RYR2: variants seen among roughly 807,000 people sequenced by gnomAD.
RYR2 encodes the protein ryanodine receptor 2, also known as cardiac muscle ryanodine receptor-calcium release channel.
RYR2 carries 227 observed loss-of-function variants against 601.1 expected under a neutral mutation model. The ratio of observed to expected loss-of-function variants is 0.38; its 90% confidence interval spans 0.34 to 0.42. The LOEUF (loss-of-function observed/expected upper bound fraction) is 0.42, where lower values mean the gene tolerates loss of function less well. Among genes scored for constraint, RYR2 ranks in the 10% least tolerant of loss-of-function variants. The pLI, the probability that RYR2 is intolerant of heterozygous loss-of-function variation, is 1.00. For missense variants in RYR2, 4,646 were observed against 6,156.5 expected, an observed-to-expected ratio of 0.75 and a Z score of 8.21; for synonymous variants, 2,223 against 2,175.1, an observed-to-expected ratio of 1.02 and a Z score of -0.61.
At position 237,806,387 on chromosome 1, in the gene RYR2, A is replaced by AT. The variant is rs781066796; in HGVS notation, c.14298+111dup. 2.3e-3 allele frequency: 2,714 copies of AT among 1,185,044 alleles called. 6 individuals carry two copies. The highest frequency in any genetic ancestry group is 2.8e-3 in the Non-Finnish European group (2,336 of 843,766). The allele number at this position is 1,185,044 out of a possible 1,614,324, so 73.4% of individuals were successfully genotyped here. A position where few individuals can be genotyped will look rare whatever the true frequency, so the allele number is the denominator to read the frequency against. On this transcript the variant is annotated intron_variant, in intron 99 of 104. Transcript: ENST00000366574. ...CAAATGACAATGTACAGTTTTAAAG[A>AT]TTTTTTTGAAGGGAGGGTCTGCACC... is the stretch of plus-strand genomic sequence containing the variant.
intron 56 of RYR2, among the ~76,000 whole-genome samples, chr1:237,665,858 T>C (rs1490619141): frequency 6.6e-6 from 1 of 152,182 alleles, no homozygotes; most frequent in Non-Finnish European, 1.5e-5. Flanking sequence ...AGATATAGTT[T>C]TAGATTTATA....
chr1:237,676,814 A>G (rs1468107734), intron 60 of RYR2, among the ~76,000 whole-genome samples: 1 of 152,094 alleles, frequency 6.6e-6, no homozygotes, highest in Non-Finnish European at 1.5e-5. Context: ...CATCTTTTTC[A>G]CATTTTGCAC....
chr1:237,798,099 C>T lies in RYR2; in HGVS notation c.14019C>T (p.Asp4673=), dbSNP rs1303103945. The change falls in exon 97 of 105, where the codon GAC becomes GAT. Residue 4673 remains aspartate (D), a synonymous_variant. Transcript: ENST00000366574. ...GAATCAGTGAATTACTTGGCATGGA[C>T]AAGGCAGCTCTGGACTTCAGTGATG... ...RDRISELLGM[D]KAALDFSDAR... 4 of 1,611,432 alleles carry T rather than the reference C, an allele frequency of 2.5e-6. No individual in the cohort carries two copies. In the African/African-American group the frequency reaches 4.0e-5, roughly 16 times the overall value.
intron 62 of RYR2, 65 bp downstream of exon 62, chr1:237,680,642 C>G (rs1685793294): frequency 7.5e-7 from 1 of 1,333,248 alleles, no homozygotes; most frequent in Admixed American, 2.3e-5. Flanking sequence ...CAAAGAAAAC[C>G]TGAGGACCTT....
At chr1:237,319,483 T>C (rs1378814777) in intron 2 of RYR2, among the ~76,000 whole-genome samples, 6 of 152,220 alleles carry the variant, frequency 3.9e-5, no homozygotes, top group Non-Finnish European at 5.9e-5. Context: ...TTTCTTTGTT[T>C]AGTAAATTGT....
At chr1:237,226,381 G>A (rs374953177) in intron 1 of RYR2, among the ~76,000 whole-genome samples, 40 of 152,242 alleles carry the variant, frequency 2.6e-4, no homozygotes, top group African/African-American at 9.1e-4. Context: ...GTGGCGTGGC[G>A]TACATGTTTT....
intron 70 of RYR2, 47 bp from the exon 71 acceptor site, chr1:237,711,698 G>C: frequency 3.2e-6 from 3 of 943,682 alleles, no homozygotes; most frequent in Non-Finnish European, 3.4e-6. Context: ...TAATTACAAA[G>C]ACTTCTTTAA....
At chr1:237,500,552 G>C (rs1038472583) in intron 20 of RYR2, among the ~76,000 whole-genome samples, 159 bp from the exon 21 acceptor site, 1 of 152,128 alleles carries the variant, frequency 6.6e-6, no homozygotes, top group African/African-American at 2.4e-5. Context: ...TTTTGACAAA[G>C]AGTTTAACAT....
At chr1:237,656,059 A>G in intron 53 of RYR2, 75 bp downstream of exon 53, 1 of 1,447,094 alleles carries the variant, frequency 6.9e-7, no homozygotes, top group Non-Finnish European at 9.4e-7. Context: ...AAGGTACTAA[A>G]GTGAACTTTC....
intron 17 of RYR2, among the ~76,000 whole-genome samples, chr1:237,478,125 A>AG (rs386370120): frequency 2.6e-5 from 4 of 151,724 alleles, no homozygotes; most frequent in Non-Finnish European, 5.9e-5. Context: ...ATTATCAAAA[A>AG]CAGGGTTCAT....
In RYR2 at chr1:237,622,400, C is replaced by T. The variant is rs139363883; in HGVS notation, c.5917-1365C>T. 4.6e-3 allele frequency among the ~76,000 whole-genome samples: 699 copies of T among 152,158 alleles called. 6 individuals are homozygous for T. The highest frequency in any genetic ancestry group is 0.016 in the African/African-American group (664 of 41,512). On this transcript the variant is annotated intron_variant, in intron 38 of 104. Transcript: ENST00000366574. ...GATACCACAAGTGGAAAATTCTACA[C>T]GTAAATACTTAGTACAAAGTTTATT... is the stretch of plus-strand genomic sequence containing the variant.
Position 237,042,215 on chromosome 1 carries a change from C to T in RYR2, c.-307C>T, listed in dbSNP as rs143537474. On this transcript the variant is annotated 5_prime_UTR_variant, in exon 1 of 105. Coordinates refer to ENST00000366574, the MANE Select transcript of RYR2 (RefSeq NM_001035.3). ...TCGGAGGAGCCGGGGCCGAGCGGACCGCCGGCTGCAGGCAGCGAGCGCGGC... is the reference window on the plus strand; with the variant it reads ...TCGGAGGAGCCGGGGCCGAGCGGACTGCCGGCTGCAGGCAGCGAGCGCGGC... The T allele has an allele frequency of 0.088, 14,594 of 164,936 alleles. 2,319 individuals carry two copies. Among genetic ancestry groups the T allele is most frequent in the African/African-American group, 0.32 (13,537 of 41,758 alleles). The allele number at this position is 164,936 out of a possible 1,614,324, so 10.2% of individuals were successfully genotyped here.
At chr1:237,065,230 C>G (rs1376938873) in intron 1 of RYR2, among the ~76,000 whole-genome samples, 1 of 147,886 alleles carries the variant, frequency 6.8e-6, no homozygotes, top group Non-Finnish European at 1.5e-5. Context: ...AATCAAGATA[C>G]AGAACTGTTC....
intron 2 of RYR2, among the ~76,000 whole-genome samples, chr1:237,329,622 A>G (rs1005106623): frequency 6.6e-6 from 1 of 151,838 alleles, no homozygotes; most frequent in Admixed American, 6.6e-5. Flanking sequence ...ACCCTGGGAA[A>G]CACAGTGAGA....
intron 1 of RYR2, among the ~76,000 whole-genome samples, chr1:237,113,387 G>T (rs1219514476): frequency 1.3e-5 from 2 of 149,668 alleles, no homozygotes; most frequent in African/African-American, 5.0e-5. Context: ...TTTTAGTAGA[G>T]ATGAGTTTTC....
intron 60 of RYR2, among the ~76,000 whole-genome samples, chr1:237,676,569 G>A (rs1685416511): frequency 6.6e-6 from 1 of 152,154 alleles, no homozygotes; most frequent in Admixed American, 6.5e-5. Flanking sequence ...CAAGAACTCT[G>A]TTAGAGGAGC....
At chr1:237,565,115 T>TTCTTTTTC (rs1553503217) in intron 27 of RYR2, among the ~76,000 whole-genome samples, 423 of 8,758 alleles carry the variant, frequency 0.048, 36 homozygotes, top group Admixed American at 0.062. Context: ...CTTTCTTTCT[T>TTCTTTTTC]TTTCTTTCTT....
rs199893812 is a variant in RYR2, at chr1:237,617,326, G to A, written c.5756G>A (p.Arg1919Gln). The change falls in exon 38 of 105, where the codon CGG (arginine) becomes CAG (glutamine). Residue 1919 changes from arginine to glutamine, a missense_variant. Arg to Gln is a conservative substitution (Grantham distance 43). Transcript: ENST00000366574. Reference sequence around the variant, plus strand: ...CAGTACCTCTGTGACTGCCAGGTCCGGCACCGGATAGAAGCCATTGTAGCC... The same window carrying A: ...CAGTACCTCTGTGACTGCCAGGTCCAGCACCGGATAGAAGCCATTGTAGCC... ...LLQYLCDCQV[R>Q]HRIEAIVAFS... 5.0e-5 allele frequency: 81 copies of A among 1,613,518 alleles called. No individual in the cohort carries two copies. The highest frequency in any genetic ancestry group is 2.8e-5 in the Non-Finnish European group (33 of 1,179,736).
intron 25 of RYR2, among the ~76,000 whole-genome samples, chr1:237,540,797 C>A (rs927951371): frequency 6.6e-6 from 1 of 151,460 alleles, no homozygotes; most frequent in African/African-American, 2.4e-5. Flanking sequence ...CCCAACACAG[C>A]CTTAGCCCTA....
Sources: allele counts gnomAD v4.1 joint callset (sites outside exome capture counted in the v4.1 genomes callset), GRCh38; gene constraint gnomAD v4.1.1; transcripts MANE v1.5; gene names NCBI Gene and HGNC (gene_info 2026-07-23, HGNC 2026-07-21).